Variants in ATP6V0A4 observed in about 807,000 individuals in gnomAD.
ATP6V0A4 encodes ATPase H+ transporting V0 subunit a4, also known as V-type proton ATPase 116 kDa subunit a 4.
ATP6V0A4 carries 86 observed loss-of-function variants against 107.3 expected under a neutral mutation model. The observed-to-expected ratio is 0.80, with a 90% confidence interval of 0.67 to 0.96. The LOEUF is 0.96. Among genes scored for constraint, ATP6V0A4 ranks in the 40% least tolerant of loss-of-function variants. The pLI is 0.00. For synonymous variants in ATP6V0A4, 353 were observed against 381.4 expected (o/e 0.93, Z 0.87); for missense variants, 908 against 1,045.6 (o/e 0.87, Z 1.81).
At chr7:138,743,185 G>A (rs770017859) in intron 14 of ATP6V0A4, among the ~76,000 whole-genome samples, 5 of 151,912 alleles carry the variant, frequency 3.3e-5, no homozygotes, top group South Asian at 2.1e-4. Context: ...TGGGCCGGGC[G>A]TGTGGCTCAT....
chr7:138,779,444 G>A (rs1807826016), intron 2 of ATP6V0A4, among the ~76,000 whole-genome samples: 1 of 152,106 alleles, frequency 6.6e-6, no homozygotes, highest in Non-Finnish European at 1.5e-5. Flanking sequence ...CCATTCAAAT[G>A]CTAATCTATT....
At chr7:138,718,462 T>A (rs1468365341) in intron 19 of ATP6V0A4, among the ~76,000 whole-genome samples, 5 of 25,908 alleles carry the variant, frequency 1.9e-4, no homozygotes, top group African/African-American at 3.8e-4. Flanking sequence ...CAGGAAGGAA[T>A]GGGGGGGATG....
chr7:138,741,127 G>C (rs1280557700), intron 14 of ATP6V0A4, among the ~76,000 whole-genome samples: 1 of 152,098 alleles, frequency 6.6e-6, no homozygotes, highest in Non-Finnish European at 1.5e-5. Flanking sequence ...CTGGGCAACA[G>C]AGCAAGACTC....
intron 20 of ATP6V0A4, among the ~76,000 whole-genome samples, chr7:138,713,811 G>A (rs1218470225): frequency 1.3e-5 from 2 of 151,862 alleles, no homozygotes; most frequent in Non-Finnish European, 2.9e-5. Flanking sequence ...TCAGGAGATA[G>A]TTCTTCAGGC....
intron 8 of ATP6V0A4, among the ~76,000 whole-genome samples, chr7:138,759,198 T>A (rs951481564): frequency 6.6e-6 from 1 of 151,716 alleles, no homozygotes; most frequent in Non-Finnish European, 1.5e-5. Flanking sequence ...TAGCTGGGAC[T>A]ACCGGTGTGT....
At chr7:138,765,165 A>G (rs1807022669) in intron 5 of ATP6V0A4, among the ~76,000 whole-genome samples, 2 of 152,134 alleles carry the variant, frequency 1.3e-5, no homozygotes, top group Non-Finnish European at 1.5e-5. Context: ...AATGCTTAGT[A>G]TTAGACAAAA....
chr7:138,747,305 T>G (rs1212103337), intron 13 of ATP6V0A4, 120 bp downstream of exon 13: 1 of 1,333,148 alleles, frequency 7.5e-7, no homozygotes, highest in East Asian at 2.4e-5. Context: ...ATTTGGCTCT[T>G]TTTTACTTTC....
chr7:138,751,768 CTTA>C (rs576571801), intron 11 of ATP6V0A4, among the ~76,000 whole-genome samples: 32 of 151,942 alleles, frequency 2.1e-4, no homozygotes, highest in African/African-American at 7.5e-4. Flanking sequence ...TATTTTGGCT[CTTA>C]TTATAGATGC....
chr7:138,784,031 C>T (rs186918654), intron 2 of ATP6V0A4, among the ~76,000 whole-genome samples: 1 of 151,736 alleles, frequency 6.6e-6, no homozygotes, highest in African/African-American at 2.4e-5. Context: ...CTCTAGCCCC[C>T]AAAAGGGTGC....
At chr7:138,723,717 G>A (rs746437328) in intron 18 of ATP6V0A4, among the ~76,000 whole-genome samples, 6 of 151,310 alleles carry the variant, frequency 4.0e-5, no homozygotes, top group Non-Finnish European at 8.8e-5. Flanking sequence ...ATAGAGACGG[G>A]GTTTCTCCAT....
intron 5 of ATP6V0A4, among the ~76,000 whole-genome samples, chr7:138,765,672 A>C (rs1475666690): frequency 6.6e-6 from 1 of 152,226 alleles, no homozygotes; most frequent in African/African-American, 2.4e-5. Context: ...TCAATCAATC[A>C]ACAAATCAAT....
At chr7:138,708,537 G>C (rs919806868) in intron 21 of ATP6V0A4, among the ~76,000 whole-genome samples, 5 of 152,290 alleles carry the variant, frequency 3.3e-5, no homozygotes, top group Admixed American at 1.3e-4. Context: ...AGTCTCTGCA[G>C]CTGAAGGGCA....
chr7:138,714,610 A>G (rs930137870), intron 20 of ATP6V0A4, among the ~76,000 whole-genome samples: 1 of 152,058 alleles, frequency 6.6e-6, no homozygotes, highest in Non-Finnish European at 1.5e-5. Context: ...GATAGATACA[A>G]TTGTATTTCT....
At chr7:138,788,482 G>A (rs954122708) in intron 1 of ATP6V0A4, among the ~76,000 whole-genome samples, 1 of 152,146 alleles carries the variant, frequency 6.6e-6, no homozygotes. Flanking sequence ...CAGAAGAGCT[G>A]GCTGTCTTAA....
chr7:138,774,356 A>T (rs979778633), intron 2 of ATP6V0A4, among the ~76,000 whole-genome samples: 4 of 152,046 alleles, frequency 2.6e-5, no homozygotes, highest in Non-Finnish European at 5.9e-5. Context: ...AGGTGGGCGG[A>T]TCATTTGAGG....
intron 7 of ATP6V0A4, among the ~76,000 whole-genome samples, chr7:138,761,857 T>G (rs190940829): frequency 4.1e-4 from 62 of 152,162 alleles, no homozygotes; most frequent in Admixed American, 1.9e-3. Flanking sequence ...TTTTGTATTT[T>G]TAGTAGAGAT....
intron 14 of ATP6V0A4, among the ~76,000 whole-genome samples, chr7:138,744,196 T>C (rs1331981942): frequency 6.6e-6 from 1 of 150,782 alleles, no homozygotes; most frequent in Non-Finnish European, 1.5e-5. Flanking sequence ...ACAGGACAAA[T>C]ACAGGGAGAC....
chr7:138,778,721 T>C (rs1358422553), intron 2 of ATP6V0A4, among the ~76,000 whole-genome samples: 3 of 150,280 alleles, frequency 2.0e-5, no homozygotes, highest in Non-Finnish European at 4.4e-5. Context: ...CCCCACCCCA[T>C]TGCCAGCAAA....
At chr7:138,775,989 C>T (rs906005365) in intron 2 of ATP6V0A4, among the ~76,000 whole-genome samples, 1 of 151,950 alleles carries the variant, frequency 6.6e-6, no homozygotes, top group African/African-American at 2.4e-5. Flanking sequence ...TAAAATATGA[C>T]AACATAAAGA....
Sources: allele counts gnomAD v4.1 joint callset (sites outside exome capture counted in the v4.1 genomes callset), GRCh38; gene constraint gnomAD v4.1.1; transcripts MANE v1.5; gene names NCBI Gene and HGNC (gene_info 2026-07-23, HGNC 2026-07-21).